The following SENP6 variants were observed in gnomAD, a reference collection of about 807,000 sequenced individuals.
The protein encoded by SENP6 is SUMO specific peptidase 6.
SENP6 carries 41 observed loss-of-function variants against 134.5 expected under a neutral mutation model. That is an observed-to-expected ratio of 0.30 (90% CI 0.24 to 0.40). The LOEUF is 0.40. SENP6 is among the 10% of genes least tolerant of loss of function. The pLI is 1.00. For synonymous variants in SENP6, 395 were observed against 429.8 expected, an observed-to-expected ratio of 0.92 and a Z score of 1.00; for missense variants, 1,248 against 1,312.5, an observed-to-expected ratio of 0.95 and a Z score of 0.76.
rs535174909 is a variant in SENP6 at position 75,708,803 on chromosome 6, G to A, written c.2717-724G>A. Among the ~76,000 whole-genome samples the A allele has an allele frequency of 3.3e-5, 5 of 152,236 alleles. No homozygotes were observed. The East Asian group carries it at 7.7e-4, about 24-fold the overall frequency. ...AGCTACTCAGTAGGCTGAGGCAGGA[G>A]AAATCACTCGAACCTGGGAGGCAGA... is the stretch of plus-strand genomic sequence containing the variant. On this transcript the variant is annotated intron_variant, in intron 19 of 23. Transcript: ENST00000447266.
At chr6:75,622,024 C>G (rs1386375152) in intron 2 of SENP6, among the ~76,000 whole-genome samples, 2 of 152,132 alleles carry the variant, frequency 1.3e-5, no homozygotes, top group Non-Finnish European at 1.5e-5. Context: ...TTAAATACTA[C>G]AGTATCTTTC....
intron 4 of SENP6, among the ~76,000 whole-genome samples, chr6:75,634,115 T>C (rs2149838129): frequency 6.6e-6 from 1 of 152,234 alleles, no homozygotes; most frequent in South Asian, 2.1e-4. Context: ...CTTTTTACAA[T>C]AGTGAACCAC....
rs150028097 is a variant in SENP6 at position 75,616,516 on chromosome 6, A to G, written c.53-5016A>G. Among the ~76,000 whole-genome samples, 1,604 of 152,218 alleles carry G rather than the reference A, an allele frequency of 0.011. 61 individuals carry two copies. The East Asian group carries it at 0.14, about 13-fold the overall frequency. On this transcript the variant is annotated intron_variant, in intron 1 of 23. Transcript: ENST00000447266. The stretch of plus-strand genomic sequence containing the variant: ...GTAATCCTAGTGCTTTGGGAGGCCG[A>G]GGCGGGTGGATCACAAGGTCAGGGG...
intron 7 of SENP6, among the ~76,000 whole-genome samples, chr6:75,654,667 A>G (rs1006571752): frequency 1.3e-5 from 2 of 152,386 alleles, no homozygotes; most frequent in Admixed American, 6.5e-5. Flanking sequence ...AAGCAAATAC[A>G]TAATCATTAT....
At chr6:75,715,273 C>T (rs890233477) in intron 23 of SENP6, 112 bp from the exon 24 acceptor site, 1 of 759,414 alleles carries the variant, frequency 1.3e-6, no homozygotes, top group Non-Finnish European at 2.2e-6. Context: ...TACAGAAATA[C>T]ATATTGAATG....
chr6:75,715,111 G>A (rs1198255197), intron 23 of SENP6, among the ~76,000 whole-genome samples: 2 of 152,146 alleles, frequency 1.3e-5, no homozygotes, highest in African/African-American at 4.8e-5. Flanking sequence ...ATGAGTTAGT[G>A]TGGCTGTGTT....
chr6:75,622,870 AT>A, intron 2 of SENP6: 1 of 1,158,610 alleles, frequency 8.6e-7, no homozygotes, highest in Non-Finnish European at 1.1e-6. Context: ...TAAGTCTCTC[AT>A]TTAAAGTCAG....
rs566786541 is a variant in SENP6, at chr6:75,619,414, C to G, written c.53-2118C>G. The stretch of plus-strand genomic sequence containing the variant: ...TGTATCCTGTATCCAATTCGTATCC[C>G]TTTAAGGCTGAATAACATTCCGTTG... On this transcript the variant is annotated intron_variant, in intron 1 of 23. Transcript: ENST00000447266. Among the ~76,000 whole-genome samples the G allele has an allele frequency of 4.0e-5, 6 of 151,694 alleles. No individual in the cohort carries two copies. The South Asian group carries it at 1.3e-3, about 32-fold the overall frequency.
intron 1 of SENP6, chr6:75,611,547 TCA>T (rs1767449869): frequency 6.6e-6 from 1 of 152,366 alleles, no homozygotes; most frequent in East Asian, 1.9e-4. Context: ...TTGGTCTGTC[TCA>T]CAGAATACTG....
intron 8 of SENP6, among the ~76,000 whole-genome samples, chr6:75,660,549 T>C (rs1771694172): frequency 6.6e-6 from 1 of 152,232 alleles, no homozygotes; most frequent in African/African-American, 2.4e-5. Flanking sequence ...TTTTCTGACA[T>C]GTCCCTATCA....
In SENP6 at chr6:75,635,282, A is replaced by C. The variant is rs145922927; in HGVS notation, c.458+471A>C. On this transcript the variant is annotated intron_variant, in intron 5 of 23. Transcript: ENST00000447266. Reference sequence around the variant, plus strand: ...GATTTAGGAGTTCTCATTGATCTTGAAAGTACTGCTTGAGTCAAAATAATG... The same window carrying C: ...GATTTAGGAGTTCTCATTGATCTTGCAAGTACTGCTTGAGTCAAAATAATG... Among the ~76,000 whole-genome samples the C allele has an allele frequency of 6.5e-3, 984 of 152,270 alleles. 11 individuals are homozygous for C. Among genetic ancestry groups the C allele is most frequent in the African/African-American group, 0.022 (924 of 41,562 alleles).
chr6:75,629,432 T>C (rs1768943307), intron 3 of SENP6, among the ~76,000 whole-genome samples: 1 of 152,202 alleles, frequency 6.6e-6, no homozygotes, highest in East Asian at 1.9e-4. Context: ...CCTGAGTAGC[T>C]GGGACTACAG....
intron 19 of SENP6, among the ~76,000 whole-genome samples, chr6:75,707,247 G>A (rs1429202537): frequency 3.3e-5 from 5 of 151,688 alleles, no homozygotes; most frequent in Non-Finnish European, 5.9e-5. Flanking sequence ...GAAGATTTTG[G>A]ACAAATGTTA....
chr6:75,612,395 G>A (rs999405226), intron 1 of SENP6, among the ~76,000 whole-genome samples: 6 of 151,974 alleles, frequency 3.9e-5, no homozygotes, highest in African/African-American at 1.5e-4. Flanking sequence ...GTTGTGGTGC[G>A]CTTATGGCTC....
rs1775862080 is a variant in SENP6, at chr6:75,713,368, A to G, written c.2910-145A>G. 5.2e-6 allele frequency: 3 copies of G among 582,498 alleles called. No individual in the cohort carries two copies. The Admixed American group carries it at 9.9e-5, about 19-fold the overall frequency. 36.1% of individuals were successfully genotyped at this position (582,498 alleles called of 1,614,324 possible). On this transcript the variant is annotated intron_variant, in intron 21 of 23. Coordinates refer to ENST00000447266, the MANE Select transcript of SENP6 (RefSeq NM_015571.4). Reference sequence around the variant, plus strand: ...AGGTTCGTATGTGTCTATAAGGTTCATTTTTTTTCCCTCAGTAGTACTGAG... The same window carrying G: ...AGGTTCGTATGTGTCTATAAGGTTCGTTTTTTTTCCCTCAGTAGTACTGAG...
chr6:75,687,348 C>T (rs905993400), intron 16 of SENP6, among the ~76,000 whole-genome samples: 2 of 152,196 alleles, frequency 1.3e-5, no homozygotes, highest in Non-Finnish European at 1.5e-5. Flanking sequence ...CGAACATCCT[C>T]CTTTAGCTCG....
rs547145180 is a variant in SENP6, at chr6:75,709,558, C to T, written c.2748C>T (p.Ser916=). The T allele has an allele frequency of 1.6e-5, 26 of 1,613,746 alleles. No individual in the cohort carries two copies. Among genetic ancestry groups the T allele is most frequent in the East Asian group, 8.9e-5 (4 of 44,854 alleles). Residue 916 remains serine (S), a synonymous_variant, in exon 20 of 24, where the codon AGC becomes AGT. Coordinates refer to ENST00000447266, the MANE Select transcript of SENP6 (RefSeq NM_015571.4). The part of the protein sequence containing the change: ...DGLSKIRLNY[S]DESPEAGKML... ...TAAGCAAAATCAGACTAAACTATAG[C>T]GATGAATCACCTGAAGCTGGTAAAA...
At chr6:75,690,706 T>TA (rs1774177965) in intron 16 of SENP6, among the ~76,000 whole-genome samples, 1 of 150,550 alleles carries the variant, frequency 6.6e-6, no homozygotes, top group South Asian at 2.1e-4. Flanking sequence ...TTTGTTTTTT[T>TA]TTTTGAGATG....
At chr6:75,641,638 A>T (rs1168483389) in intron 6 of SENP6, among the ~76,000 whole-genome samples, 2 of 152,204 alleles carry the variant, frequency 1.3e-5, no homozygotes, top group African/African-American at 4.8e-5. Context: ...ATTTCTTTGA[A>T]CATTTCAAAG....
Sources: gnomAD v4.1 joint callset for allele counts (sites outside exome capture counted in the v4.1 genomes callset) on GRCh38, gnomAD v4.1.1 for gene constraint, MANE v1.5 for transcripts, NCBI Gene and HGNC (gene_info 2026-07-23, HGNC 2026-07-21) for gene names.